Variants in PTPRQ observed in about 807,000 individuals in gnomAD.
PTPRQ encodes the protein protein tyrosine phosphatase receptor type Q.
In PTPRQ, 199 loss-of-function variants were observed where a neutral mutation model predicts 246.0. The observed-to-expected ratio is 0.81, with a 90% confidence interval of 0.72 to 0.91. The LOEUF (loss-of-function observed/expected upper bound fraction) is 0.91. PTPRQ is among the 40% of genes least tolerant of loss of function. The pLI is 0.00. For missense variants in PTPRQ, 2,624 were observed against 2,528.4 expected (o/e 1.04, Z -0.81); for synonymous variants, 869 against 853.2 (o/e 1.02, Z -0.32).
chr12:80,512,951 G>A (rs1052150190), intron 17 of PTPRQ, among the ~76,000 whole-genome samples: 3 of 151,996 alleles, frequency 2.0e-5, no homozygotes, highest in Middle Eastern at 3.2e-3. Context: ...ATTCTCTGGT[G>A]CCCCCCTGCT....
At chr12:80,477,786 C>A (rs1050514557) in intron 8 of PTPRQ, among the ~76,000 whole-genome samples, 1 of 152,134 alleles carries the variant, frequency 6.6e-6, no homozygotes, top group Admixed American at 6.5e-5. Context: ...CCTGGAAAAT[C>A]GGGTCACTCC....
At chr12:80,577,631 AT>A (rs2120980854) in intron 25 of PTPRQ, among the ~76,000 whole-genome samples, 1 of 152,272 alleles carries the variant, frequency 6.6e-6, no homozygotes, top group African/African-American at 2.4e-5. Context: ...TGGAAGTTTT[AT>A]TGAGAAATTT....
intron 35 of PTPRQ, among the ~76,000 whole-genome samples, chr12:80,647,448 C>T (rs564439193): frequency 6.6e-6 from 1 of 152,044 alleles, no homozygotes; most frequent in African/African-American, 2.4e-5. Context: ...GGGCACTGGG[C>T]AACAAGTTAT....
At position 80,610,471 on chromosome 12, in the gene PTPRQ, C is replaced by A. The variant is rs530998340; in HGVS notation, c.4764C>A (p.Ile1588=). 1.1e-5 allele frequency: 17 copies of A among 1,503,530 alleles called. No individual in the cohort carries two copies. The African/African-American group carries it at 2.1e-4, about 19-fold the overall frequency. 93.1% of individuals were successfully genotyped at this position (1,503,530 alleles called of 1,614,324 possible). A position where few individuals can be genotyped will look rare whatever the true frequency, so the allele number is the denominator to read the frequency against. The change falls in exon 28 of 45, where the codon ATC becomes ATA. Residue 1588 remains isoleucine, a synonymous_variant. Coordinates refer to ENST00000644991, the MANE Select transcript of PTPRQ (RefSeq NM_001145026.2). The stretch of plus-strand genomic sequence containing the variant: ...ATGATGAATTTAATATATCCTTCAT[C>A]AAGTCAAATGAAGAAAATAAAACCA... ...VDNDEFNISF[I]KSNEENKTIE...
chr12:80,473,966 G>T (rs1425747463), intron 8 of PTPRQ, among the ~76,000 whole-genome samples: 2 of 152,210 alleles, frequency 1.3e-5, no homozygotes, highest in African/African-American at 4.8e-5. Flanking sequence ...TCCACCAAAG[G>T]CAGGGTTGGC....
chr12:80,511,571 G>A (rs1450358098), intron 17 of PTPRQ, among the ~76,000 whole-genome samples: 1 of 152,134 alleles, frequency 6.6e-6, no homozygotes, highest in African/African-American at 2.4e-5. Flanking sequence ...CCATAAACAA[G>A]CAAACAAGGG....
At chr12:80,534,550 T>C (rs1377428637) in intron 18 of PTPRQ, among the ~76,000 whole-genome samples, 1 of 152,080 alleles carries the variant, frequency 6.6e-6, no homozygotes, top group Non-Finnish European at 1.5e-5. Flanking sequence ...TTATTCAATA[T>C]AAAAATTCTA....
chr12:80,652,813 C>A lies in PTPRQ; in HGVS notation c.6094C>A (p.Arg2032Ser). 1 of 1,505,340 alleles carries A rather than the reference C, an allele frequency of 6.6e-7. No homozygotes were observed. The highest frequency in any genetic ancestry group is 8.9e-7 in the Non-Finnish European group (1 of 1,127,278). 93.2% of individuals were successfully genotyped at this position (1,505,340 alleles called of 1,614,324 possible). ...TCTGCCTTGGAATAGAGCAAAAAAC[C>A]GCTTCCCAAACATAAAACCATGTAT... Reference protein sequence around the residue: ...ADLPWNRAKNRFPNIKPYNNN... With the variant: ...ADLPWNRAKNSFPNIKPYNNN... Residue 2032 changes from arginine to serine, a missense_variant, in exon 38 of 45, where the codon CGC becomes AGC. Transcript: ENST00000644991.
At chr12:80,584,883 AT>A (rs893603800) in intron 25 of PTPRQ, among the ~76,000 whole-genome samples, 43 of 151,888 alleles carry the variant, frequency 2.8e-4, no homozygotes, top group Middle Eastern at 3.4e-3. Context: ...ATAAATTTAC[AT>A]TTTTTTTCCC....
At chr12:80,448,303 G>A (rs1057208467) in intron 3 of PTPRQ, among the ~76,000 whole-genome samples, 1 of 151,674 alleles carries the variant, frequency 6.6e-6, no homozygotes, top group Non-Finnish European at 1.5e-5. Flanking sequence ...GTTGTCGTTA[G>A]AGTTTTCTAG....
chr12:80,635,989 T>A (rs1447668572), intron 35 of PTPRQ, among the ~76,000 whole-genome samples: 1 of 152,210 alleles, frequency 6.6e-6, no homozygotes, highest in African/African-American at 2.4e-5. Context: ...TTGGTCTTTA[T>A]CTAATAGATG....
chr12:80,490,325 C>T (rs142964790), intron 9 of PTPRQ, among the ~76,000 whole-genome samples: 11 of 151,898 alleles, frequency 7.2e-5, no homozygotes, highest in Non-Finnish European at 1.2e-4. Context: ...CTCCAGTGAC[C>T]CCAAACTGAT....
chr12:80,539,416 A>G (rs1896082670), intron 19 of PTPRQ, among the ~76,000 whole-genome samples: 1 of 152,200 alleles, frequency 6.6e-6, no homozygotes, highest in Non-Finnish European at 1.5e-5. Context: ...AAACTTGTTT[A>G]AAATTAGCTG....
chr12:80,626,167 A>G (rs11114532), intron 33 of PTPRQ, among the ~76,000 whole-genome samples: 2 of 152,184 alleles, frequency 1.3e-5, no homozygotes, highest in Admixed American at 1.3e-4. Context: ...CCAAAGGATT[A>G]CTTCCCTAAA....
In PTPRQ at chr12:80,457,062, A is replaced by G. The variant is rs1204666957; in HGVS notation, c.391-513A>G. ...TAGTCTATTGGAAGATATTATTCAA[A>G]TCAAATTTTTTTATCTTTAAAATTC... is the stretch of plus-strand genomic sequence containing the variant. On this transcript the variant is annotated intron_variant, in intron 3 of 44. Coordinates refer to ENST00000644991, the MANE Select transcript of PTPRQ (RefSeq NM_001145026.2). Among the ~76,000 whole-genome samples, 3 of 152,214 alleles carry G rather than the reference A, an allele frequency of 2.0e-5. No individual in the cohort carries two copies. The East Asian group carries it at 5.8e-4, about 29-fold the overall frequency.
chr12:80,592,598 G>A (rs969634253), intron 26 of PTPRQ, among the ~76,000 whole-genome samples: 1 of 152,030 alleles, frequency 6.6e-6, no homozygotes, highest in African/African-American at 2.4e-5. Flanking sequence ...TAAAAATAAG[G>A]CATTCATAGA....
At chr12:80,466,237 G>T (rs572019529) in intron 6 of PTPRQ, among the ~76,000 whole-genome samples, 2 of 152,282 alleles carry the variant, frequency 1.3e-5, no homozygotes, top group South Asian at 4.1e-4. Flanking sequence ...GCCAAATCAT[G>T]AGTGAACTCC....
At chr12:80,477,271 C>T (rs940056444) in intron 8 of PTPRQ, among the ~76,000 whole-genome samples, 1 of 152,048 alleles carries the variant, frequency 6.6e-6, no homozygotes, top group Admixed American at 6.5e-5. Flanking sequence ...AATTAAAACG[C>T]AGTCTAATTT....
intron 26 of PTPRQ, among the ~76,000 whole-genome samples, chr12:80,589,598 C>T (rs1397596567): frequency 6.6e-6 from 1 of 152,086 alleles, no homozygotes; most frequent in Admixed American, 6.6e-5. Flanking sequence ...TTTTCTAGGC[C>T]ACCAATTGTG....
Sources: gnomAD v4.1 joint callset for allele counts (sites outside exome capture counted in the v4.1 genomes callset) on GRCh38, gnomAD v4.1.1 for gene constraint, MANE v1.5 for transcripts, NCBI Gene and HGNC (gene_info 2026-07-23, HGNC 2026-07-21) for gene names.